Variants in GLYCTK observed in about 807,000 individuals in gnomAD.
GLYCTK encodes the protein glycerate kinase, also known as HBeAg binding protein 4.
GLYCTK carries 22 observed loss-of-function variants against 24.8 expected under a neutral mutation model. The ratio of observed to expected loss-of-function variants is 0.89; its 90% CI spans 0.63 to 1.27. The LOEUF is 1.27. GLYCTK is among the 50% of genes most tolerant of loss of function. The pLI, the probability that GLYCTK is intolerant of heterozygous loss-of-function variation, is 0.00. For synonymous variants in GLYCTK, 320 were observed against 297.2 expected (o/e 1.08, Z -0.79); for missense variants, 684 against 686.7 (o/e 1.00, Z 0.04).
At position 52,293,000 on chromosome 3, in the gene GLYCTK, C is replaced by G; in HGVS notation, c.1446C>G (p.Thr482=). 1 of 1,614,206 alleles carries G rather than the reference C, an allele frequency of 6.2e-7. No homozygotes were observed. Among genetic ancestry groups the G allele is most frequent in the Non-Finnish European group, 8.5e-7 (1 of 1,180,040 alleles). Residue 482 remains threonine (T), a synonymous_variant, in exon 5 of 5, where the codon ACC becomes ACG. Coordinates refer to ENST00000436784, the MANE Select transcript of GLYCTK (RefSeq NM_145262.4). The part of the protein sequence containing the change: ...QAAAEGLDIA[T]FLAHNDSHTF... Reference sequence around the variant, plus strand: ...CAGCTGAGGGCCTGGACATAGCCACCTTCCTAGCCCACAATGACTCACATA... The same window carrying G: ...CAGCTGAGGGCCTGGACATAGCCACGTTCCTAGCCCACAATGACTCACATA...
intron 1 of GLYCTK, 151 bp from the exon 2 acceptor site, chr3:52,290,153 A>G (rs3796343): frequency 0.17 from 107,932 of 637,840 alleles, 11,370 homozygotes; most frequent in African/African-American, 0.4. Flanking sequence ...CTGCAGCTGC[A>G]GGCTTCAGGA....
chr3:52,290,635 A>G lies in GLYCTK; in HGVS notation c.293A>G (p.Glu98Gly), dbSNP rs367897984. The part of the protein sequence containing the change: ...KAVLGMAAAA[E>G]ELLGQHLVQG... ...GTGCTGGGTATGGCAGCTGCAGCTGAGGAACTACTGGGCCAGCATCTTGTG... is the reference window on the plus strand; with the variant it reads ...GTGCTGGGTATGGCAGCTGCAGCTGGGGAACTACTGGGCCAGCATCTTGTG... The change falls in exon 2 of 5, where the codon GAG becomes GGG. Residue 98 changes from glutamate to glycine, a missense_variant. Transcript: ENST00000436784. The G allele has an allele frequency of 1.2e-6, 2 of 1,613,500 alleles. No individual in the cohort carries two copies. Among genetic ancestry groups the G allele is most frequent in the African/African-American group, 2.7e-5 (2 of 74,940 alleles).
In GLYCTK at chr3:52,293,450, G is replaced by T. The variant is rs1559467885; in HGVS notation, c.*324G>T. 1 of 567,920 alleles carries T rather than the reference G, an allele frequency of 1.8e-6. No individual in the cohort carries two copies. The highest frequency in any genetic ancestry group is 2.2e-5 in the Admixed American group (1 of 45,798). 35.2% of individuals were successfully genotyped at this position (567,920 alleles called of 1,614,324 possible). A position where few individuals can be genotyped will look rare whatever the true frequency, so the allele number is the denominator to read the frequency against. On this transcript the variant is annotated 3_prime_UTR_variant, in exon 5 of 5. Coordinates refer to ENST00000436784, the MANE Select transcript of GLYCTK (RefSeq NM_145262.4). ...TTCTTTCTGTGAAGCGAGAATGTCTGAAAATAAATAGGACCATGCCATGGG... is the reference window on the plus strand; with the variant it reads ...TTCTTTCTGTGAAGCGAGAATGTCTTAAAATAAATAGGACCATGCCATGGG...
At chr3:52,288,493 AGCCACTGC>A (rs1160930744) in intron 1 of GLYCTK, 1 of 152,364 alleles carries the variant, frequency 6.6e-6, no homozygotes, top group Non-Finnish European at 1.5e-5. Context: ...TACAGGCGTG[AGCCACTGC>A]GCCGGGCCAC....
rs1306793816 is a variant in GLYCTK, at chr3:52,294,601, C to T, written c.*1475C>T. 4.7e-6 allele frequency: 2 copies of T among 424,732 alleles called. No homozygotes were observed. Among genetic ancestry groups the T allele is most frequent in the South Asian group, 3.3e-5 (2 of 59,808 alleles). The allele number at this position is 424,732 out of a possible 1,614,324, so 26.3% of individuals were successfully genotyped here. ...GGGATGCGCAGGCACCGCTTCCTTT[C>T]CTTCTGTGCTGGCATGGAGTTCCTG... On this transcript the variant is annotated 3_prime_UTR_variant, in exon 5 of 5. Coordinates refer to ENST00000436784, the MANE Select transcript of GLYCTK (RefSeq NM_145262.4).
intron 2 of GLYCTK, 110 bp downstream of exon 2, chr3:52,290,829 A>G: frequency 1.3e-6 from 2 of 1,579,620 alleles, no homozygotes; most frequent in Middle Eastern, 1.7e-4. Flanking sequence ...TTTCTCCTGG[A>G]TCTGGCCTGG....
rs1700443234 is a variant in GLYCTK, at chr3:52,290,857, G to A, written c.378-103G>A. 2.5e-6 allele frequency: 4 copies of A among 1,587,868 alleles called. No homozygotes were observed. The African/African-American group carries it at 5.4e-5, about 21-fold the overall frequency. On this transcript the variant is annotated intron_variant, in intron 2 of 4. Transcript: ENST00000436784. ...TGGCCTGGCCCCAGGATGCATGTCAGTGGGCATCTTCGTTCATGCCCCCAT... is the reference window on the plus strand; with the variant it reads ...TGGCCTGGCCCCAGGATGCATGTCAATGGGCATCTTCGTTCATGCCCCCAT...
chr3:52,292,182 C>G (rs1700489990), intron 4 of GLYCTK, 78 bp from the exon 5 acceptor site: 2 of 1,579,092 alleles, frequency 1.3e-6, no homozygotes, highest in Admixed American at 3.4e-5. Context: ...GTGTGGATAC[C>G]CTAGGGGCAG....
In GLYCTK at chr3:52,294,188, C is replaced by G. The variant is rs1366141189; in HGVS notation, c.*1062C>G. On this transcript the variant is annotated 3_prime_UTR_variant, in exon 5 of 5. Coordinates refer to ENST00000436784, the MANE Select transcript of GLYCTK (RefSeq NM_145262.4). ...CCACTGTCCTGCCTCCTTTTGAGCC[C>G]CCTTGCTCAGTGTCAGAACCCTCCG... 1 of 534,200 alleles carries G rather than the reference C, an allele frequency of 1.9e-6. No individual in the cohort carries two copies. Among genetic ancestry groups the G allele is most frequent in the East Asian group, 5.4e-5 (1 of 18,374 alleles). The allele number at this position is 534,200 out of a possible 1,614,324, so 33.1% of individuals were successfully genotyped here. A position where few individuals can be genotyped will look rare whatever the true frequency, so the allele number is the denominator to read the frequency against.
In GLYCTK at chr3:52,292,899, G is replaced by T. The variant is rs749070406; in HGVS notation, c.1345G>T (p.Gly449Cys). 1.2e-6 allele frequency: 2 copies of T among 1,613,960 alleles called. No homozygotes were observed. Among genetic ancestry groups the T allele is most frequent in the Non-Finnish European group, 1.7e-6 (2 of 1,180,036 alleles). The change falls in exon 5 of 5, where the codon GGT becomes TGT. Residue 449 changes from glycine to cysteine, a missense_variant. By Grantham distance (159) the Gly-to-Cys change is radical. Coordinates refer to ENST00000436784, the MANE Select transcript of GLYCTK (RefSeq NM_145262.4). ...GCCGATAGATGTGCTGTTTTTGAGC[G>T]GTGGCACCGATGGGCAGGATGGGCC... Reference protein sequence around the residue: ...LGPIDVLFLSGGTDGQDGPTE... With the variant: ...LGPIDVLFLSCGTDGQDGPTE...
At position 52,291,644 on chromosome 3, in the gene GLYCTK, A is replaced by G. The variant is rs1700473049; in HGVS notation, c.530-103A>G. The G allele has an allele frequency of 6.1e-6, 7 of 1,141,956 alleles. No homozygotes were observed. The South Asian group carries it at 8.1e-5, about 13-fold the overall frequency. The allele number at this position is 1,141,956 out of a possible 1,614,324, so 70.7% of individuals were successfully genotyped here. On this transcript the variant is annotated intron_variant, in intron 3 of 4. Coordinates refer to ENST00000436784, the MANE Select transcript of GLYCTK (RefSeq NM_145262.4). ...ATCCACAGGGGGGCACCCTAACCCC[A>G]CCTTTCCAGCCCCCTTTTTCTAATG...
In GLYCTK at chr3:52,292,848, G is replaced by C. The variant is rs139942189; in HGVS notation, c.1294G>C (p.Ala432Pro). 6.2e-7 allele frequency: 1 copy of C among 1,613,896 alleles called. No individual in the cohort carries two copies. The highest frequency in any genetic ancestry group is 8.5e-7 in the Non-Finnish European group (1 of 1,179,964). The change falls in exon 5 of 5, where the codon GCA becomes CCA. Residue 432 changes from alanine to proline, a missense_variant. By Grantham distance (27) the Ala-to-Pro change is conservative. Coordinates refer to ENST00000436784, the MANE Select transcript of GLYCTK (RefSeq NM_145262.4). ...CCAGGAACTGGCCCTGCGTGTTGGA[G>C]CAGAGTTGAGAAGGTGGCCGCTGGG... ...RNQELALRVG[A>P]ELRRWPLGPI... is the part of the protein sequence containing the mutation.
Position 52,290,428 on chromosome 3 carries a change from C to G in GLYCTK, c.86C>G (p.Ala29Gly). ...LLWRGSVARL[A>G]SSMALAEQAR... is the part of the protein sequence containing the mutation. ...TGGCGGGGCTCAGTGGCCCGTCTGG[C>G]CAGCAGCATGGCCTTGGCAGAGCAG... Residue 29 changes from alanine to glycine, a missense_variant, in exon 2 of 5, where the codon GCC (alanine) becomes GGC (glycine). Coordinates refer to ENST00000436784, the MANE Select transcript of GLYCTK (RefSeq NM_145262.4). 6.2e-7 allele frequency: 1 copy of G among 1,611,438 alleles called. No homozygotes were observed. The highest frequency in any genetic ancestry group is 8.5e-7 in the Non-Finnish European group (1 of 1,179,982).
Position 52,290,541 on chromosome 3 carries a change from C to G in GLYCTK, c.199C>G (p.Gln67Glu). ...RALSLDPGGR[Q>E]LKVRDRNFQL... is the part of the protein sequence containing the mutation. ...ACTATCCTTGGACCCTGGTGGCAGA[C>G]AGCTGAAGGTGCGGGACCGGAACTT... is the stretch of plus-strand genomic sequence containing the variant. Residue 67 changes from glutamine to glutamate, a missense_variant, in exon 2 of 5, where the codon CAG becomes GAG. Transcript: ENST00000436784. 1 of 1,613,672 alleles carries G rather than the reference C, an allele frequency of 6.2e-7. No individual in the cohort carries two copies. Among genetic ancestry groups the G allele is most frequent in the South Asian group, 1.1e-5 (1 of 91,088 alleles).
intron 3 of GLYCTK, 86 bp from the exon 4 acceptor site, chr3:52,291,661 T>G: frequency 7.5e-7 from 1 of 1,327,170 alleles, no homozygotes; most frequent in Non-Finnish European, 1.1e-6. Flanking sequence ...CAGCCCCCTT[T>G]TTCTAATGTG....
chr3:52,292,321 C>G lies in GLYCTK; in HGVS notation c.767C>G (p.Pro256Arg), dbSNP rs758174758. Residue 256 changes from proline to arginine, a missense_variant, in exon 5 of 5, where the codon CCC becomes CGC. Physicochemically the swap from Pro to Arg is moderately radical, Grantham distance 103. Transcript: ENST00000436784. ...GDPVEVIASG[P>R]TVASSHNVQD... Reference sequence around the variant, plus strand: ...CCTGTGGAGGTGATTGCCAGTGGCCCCACCGTGGCCAGTTCCCACAATGTG... The same window carrying G: ...CCTGTGGAGGTGATTGCCAGTGGCCGCACCGTGGCCAGTTCCCACAATGTG... 17 of 1,613,882 alleles carry G rather than the reference C, an allele frequency of 1.1e-5. 1 individual carries two copies. In the South Asian group the frequency reaches 1.9e-4, roughly 18 times the overall value.
At position 52,290,311 on chromosome 3, in the gene GLYCTK, T is replaced by C. The variant is rs377326932; in HGVS notation, c.-32T>C. 2 of 1,586,826 alleles carry C rather than the reference T, an allele frequency of 1.3e-6. No homozygotes were observed. Among genetic ancestry groups the C allele is most frequent in the South Asian group, 1.1e-5 (1 of 90,506 alleles). Reference sequence around the variant, plus strand: ...TGTGCTTTTTCCCTCTAGGCAGCCATGGGTGCCAGGCAGTGCTGAGAGCAG... The same window carrying C: ...TGTGCTTTTTCCCTCTAGGCAGCCACGGGTGCCAGGCAGTGCTGAGAGCAG... On this transcript the variant is annotated 5_prime_UTR_variant, in exon 2 of 5. It removes an upstream start codon present in the reference 5' UTR. Coordinates refer to ENST00000436784, the MANE Select transcript of GLYCTK (RefSeq NM_145262.4).
At chr3:52,290,143 C>T (rs1700413321) in intron 1 of GLYCTK, 161 bp from the exon 2 acceptor site, 1 of 623,168 alleles carries the variant, frequency 1.6e-6, no homozygotes, top group Non-Finnish European at 2.8e-6. Context: ...GAGTAAGATC[C>T]TGCAGCTGCA....
At position 52,293,413 on chromosome 3, in the gene GLYCTK, C is replaced by A; in HGVS notation, c.*287C>A. ...CCCTTGGGCAGCCTCTCTCTTGAGC[C>A]CCTCACCCTGTTTCTTTCTGTGAAG... On this transcript the variant is annotated 3_prime_UTR_variant, in exon 5 of 5. Coordinates refer to ENST00000436784, the MANE Select transcript of GLYCTK (RefSeq NM_145262.4). 1.5e-6 allele frequency: 1 copy of A among 652,852 alleles called. No homozygotes were observed. Among genetic ancestry groups the A allele is most frequent in the South Asian group, 1.5e-5 (1 of 66,384 alleles). The allele number at this position is 652,852 out of a possible 1,614,324, so 40.4% of individuals were successfully genotyped here.
Sources: allele counts gnomAD v4.1 joint callset, GRCh38; gene constraint gnomAD v4.1.1; transcripts MANE v1.5; gene names NCBI Gene and HGNC (gene_info 2026-07-23, HGNC 2026-07-21).